TMPRSS11E: variants seen among roughly 807,000 people sequenced by gnomAD.
The protein encoded by TMPRSS11E is transmembrane serine protease 11E.
In TMPRSS11E, 38 loss-of-function variants were observed where a neutral mutation model predicts 48.1. The observed-to-expected ratio is 0.79, with a 90% CI of 0.61 to 1.04. The LOEUF (loss-of-function observed/expected upper bound fraction) is 1.04, where lower values mean the gene tolerates loss of function less well. TMPRSS11E is among the 50% of genes least tolerant of loss of function. The pLI, the probability that TMPRSS11E is intolerant of heterozygous loss-of-function variation, is 0.00. For missense variants in TMPRSS11E, 530 were observed against 510.8 expected (o/e 1.04, Z -0.36); for synonymous variants, 158 against 171.9 (o/e 0.92, Z 0.63).
intron 1 of TMPRSS11E, among the ~76,000 whole-genome samples, chr4:68,461,037 T>C (rs533350789): frequency 4.6e-5 from 7 of 151,958 alleles, no homozygotes; most frequent in African/African-American, 1.4e-4. Flanking sequence ...CCTGCCACCA[T>C]GCCCGGCTAA....
chr4:68,453,732 C>G (rs1214084285), intron 1 of TMPRSS11E, among the ~76,000 whole-genome samples: 1 of 151,806 alleles, frequency 6.6e-6, no homozygotes, highest in Admixed American at 6.6e-5. Flanking sequence ...GACAGGAAAC[C>G]CAGAGTAACA....
chr4:68,463,230 G>T (rs1728841913), intron 2 of TMPRSS11E, among the ~76,000 whole-genome samples: 1 of 152,096 alleles, frequency 6.6e-6, no homozygotes, highest in African/African-American at 2.4e-5. Flanking sequence ...AGATTTTTTT[G>T]GTAGAATTTG....
chr4:68,454,365 G>A (rs1728571875), intron 1 of TMPRSS11E, among the ~76,000 whole-genome samples: 1 of 151,736 alleles, frequency 6.6e-6, no homozygotes, highest in Non-Finnish European at 1.5e-5. Context: ...GTATTAATTT[G>A]CACAGAAATC....
intron 5 of TMPRSS11E, among the ~76,000 whole-genome samples, chr4:68,472,385 C>T (rs1036177136): frequency 1.3e-5 from 2 of 151,416 alleles, no homozygotes; most frequent in Admixed American, 1.3e-4. Flanking sequence ...CCAATATGTC[C>T]AAAGTATTAT....
chr4:68,456,164 A>G (rs996945570), intron 1 of TMPRSS11E, among the ~76,000 whole-genome samples: 2 of 151,978 alleles, frequency 1.3e-5, no homozygotes, highest in East Asian at 1.9e-4. Flanking sequence ...CCTATCTAAC[A>G]AAGTCTATTG....
Position 68,485,197 on chromosome 4 carries a change from AGTGCAGTG to A in TMPRSS11E, c.1110+6211_1110+6218del, listed in dbSNP as rs372373407. On this transcript the variant is annotated intron_variant, in intron 9 of 9. Transcript: ENST00000305363. ...AGTCTCGCTTTGTCACCCAGGCTGG[AGTGCAGTG>A]GTGCGATCTCAGCTCACTGCAACCT... Among the ~76,000 whole-genome samples, 34 of 152,012 alleles carry A rather than the reference AGTGCAGTG, an allele frequency of 2.2e-4. 1 individual carries two copies. In the South Asian group the frequency reaches 4.4e-3, roughly 20 times the overall value.
At chr4:68,451,596 A>G (rs1728498881) in intron 1 of TMPRSS11E, among the ~76,000 whole-genome samples, 2 of 151,992 alleles carry the variant, frequency 1.3e-5, no homozygotes. Context: ...TGAAACTGCA[A>G]AAGCAGACAC....
rs1390732783 is a variant in TMPRSS11E, at chr4:68,497,334, G to A, written c.*530G>A. The A allele has an allele frequency of 6.6e-6, 1 of 152,088 alleles. No homozygotes were observed. The highest frequency in any genetic ancestry group is 2.4e-5 in the African/African-American group (1 of 41,410). The allele number at this position is 152,088 out of a possible 1,614,324, so 9.4% of individuals were successfully genotyped here. A position where few individuals can be genotyped will look rare whatever the true frequency, so the allele number is the denominator to read the frequency against. On this transcript the variant is annotated 3_prime_UTR_variant, in exon 10 of 10. Coordinates refer to ENST00000305363, the MANE Select transcript of TMPRSS11E (RefSeq NM_014058.4). Reference sequence around the variant, plus strand: ...GAAATGATCATATTCATTATGAAAGGTCAAGCAAAGACAGCAGAATACCAA... The same window carrying A: ...GAAATGATCATATTCATTATGAAAGATCAAGCAAAGACAGCAGAATACCAA...
At chr4:68,465,813 T>G (rs1488329222) in intron 2 of TMPRSS11E, among the ~76,000 whole-genome samples, 1 of 152,194 alleles carries the variant, frequency 6.6e-6, no homozygotes, top group Non-Finnish European at 1.5e-5. Flanking sequence ...TGTCTCTTCC[T>G]GAAAAGTGGT....
chr4:68,494,393 CT>C (rs1466012289), intron 9 of TMPRSS11E, among the ~76,000 whole-genome samples: 2 of 151,998 alleles, frequency 1.3e-5, no homozygotes, highest in Non-Finnish European at 2.9e-5. Context: ...GTTTTTTTTA[CT>C]CTTATGTTTC....
chr4:68,453,362 C>G (rs1380872937), intron 1 of TMPRSS11E, among the ~76,000 whole-genome samples: 1 of 151,780 alleles, frequency 6.6e-6, no homozygotes, highest in African/African-American at 2.4e-5. Flanking sequence ...TAGTAACAGG[C>G]AGTTAGGACT....
intron 2 of TMPRSS11E, 65 bp from the exon 3 acceptor site, chr4:68,466,566 G>A (rs1038952702): frequency 5.7e-6 from 9 of 1,565,488 alleles, no homozygotes. Flanking sequence ...ACCAAGCGGG[G>A]ATATAATGAT....
At chr4:68,490,751 CTTTTTTTTTTTT>C (rs1158277585) in intron 9 of TMPRSS11E, among the ~76,000 whole-genome samples, 7 of 69,328 alleles carry the variant, frequency 1.0e-4, no homozygotes, top group Non-Finnish European at 1.2e-4. Context: ...TCAGCATATT[CTTTTTTTTTTTT>C]TTTTTTTTTT....
At chr4:68,477,967 T>C (rs1729279070) in intron 8 of TMPRSS11E, among the ~76,000 whole-genome samples, 1 of 152,278 alleles carries the variant, frequency 6.6e-6, no homozygotes, top group African/African-American at 2.4e-5. Flanking sequence ...TGGAGAATCA[T>C]AAAGCCACCA....
intron 9 of TMPRSS11E, among the ~76,000 whole-genome samples, chr4:68,486,981 T>G (rs1285679254): frequency 6.6e-6 from 1 of 152,166 alleles, no homozygotes; most frequent in Non-Finnish European, 1.5e-5. Flanking sequence ...TGGTAGATCT[T>G]TCCTTATGCC....
chr4:68,492,462 T>C (rs1374835583), intron 9 of TMPRSS11E, among the ~76,000 whole-genome samples: 54 of 152,236 alleles, frequency 3.5e-4, no homozygotes, highest in Admixed American at 3.5e-3. Context: ...GTCTACATAG[T>C]GCTACATTTT....
At chr4:68,447,898 G>A (rs1296517396) in intron 1 of TMPRSS11E, among the ~76,000 whole-genome samples, 5 of 151,294 alleles carry the variant, frequency 3.3e-5, no homozygotes, top group Non-Finnish European at 4.4e-5. Flanking sequence ...TTTAGAAGGT[G>A]TACATGAAAA....
At chr4:68,479,524 C>T (rs896021807) in intron 9 of TMPRSS11E, among the ~76,000 whole-genome samples, 7 of 149,410 alleles carry the variant, frequency 4.7e-5, no homozygotes, top group Non-Finnish European at 8.9e-5. Context: ...CATAACATCA[C>T]TGTCTATGTG....
intron 5 of TMPRSS11E, among the ~76,000 whole-genome samples, chr4:68,472,041 T>C (rs1037497): frequency 0.28 from 41,788 of 151,828 alleles, 6,411 homozygotes; most frequent in Middle Eastern, 0.44. Context: ...CCTTAAACTT[T>C]TCACCAGTGA....
Sources: gnomAD v4.1 joint callset for allele counts (sites outside exome capture counted in the v4.1 genomes callset) on GRCh38, gnomAD v4.1.1 for gene constraint, MANE v1.5 for transcripts, NCBI Gene and HGNC (gene_info 2026-07-23, HGNC 2026-07-21) for gene names.